EXOSC7: variants seen among roughly 807,000 people sequenced by gnomAD.
EXOSC7 encodes the protein exosome complex component RRP42.
A neutral mutation model predicts 34.3 loss-of-function variants in EXOSC7; 25 were observed. The observed-to-expected ratio is 0.73, with a 90% CI of 0.53 to 1.02. The LOEUF (loss-of-function observed/expected upper bound fraction) is 1.02. Among genes scored for constraint, EXOSC7 ranks in the 50% least tolerant of loss-of-function variants. The pLI is 0.00. For synonymous variants in EXOSC7, 130 were observed against 143.0 expected, an observed-to-expected ratio of 0.91 and a Z score of 0.65; for missense variants, 370 against 368.5, an observed-to-expected ratio of 1.00 and a Z score of -0.03.
At chr3:44,994,891 G>T (rs925621171) in intron 3 of EXOSC7, among the ~76,000 whole-genome samples, 1 of 150,746 alleles carries the variant, frequency 6.6e-6, no homozygotes, top group Admixed American at 6.6e-5. Flanking sequence ...GTGTGTGTGT[G>T]TGTGTGTGTG....
chr3:45,007,351 C>G lies in EXOSC7; in HGVS notation c.616-69C>G, dbSNP rs1422834773. On this transcript the variant is annotated intron_variant, in intron 6 of 7. Coordinates refer to ENST00000265564, the MANE Select transcript of EXOSC7 (RefSeq NM_015004.4). ...TTGCCTGGTGTAGAGATTCCCACCA[C>G]GAGGCCATCAGGGGTGGGACTCTGG... The G allele has an allele frequency of 3.2e-6, 5 of 1,554,366 alleles. No individual in the cohort carries two copies. In the East Asian group the frequency reaches 9.0e-5, roughly 28 times the overall value.
At chr3:45,012,253 C>T (rs1401996856), downstream of EXOSC7, 7 of 152,140 alleles carry the variant, frequency 4.6e-5, no homozygotes, top group African/African-American at 7.2e-5. Flanking sequence ...GCGTTTCAAC[C>T]GTGGCATTTG....
Position 44,976,336 on chromosome 3 carries a change from T to TAGC in EXOSC7, c.57+3_57+5dup, listed in dbSNP as rs1376484882. On this transcript the variant is annotated splice_region_variant and intron_variant, in intron 1 of 7. Transcript: ENST00000265564. Reference sequence around the variant, plus strand: ...GTGTACATCGTGCATGGCGTCCAGGTAGCTACAGCAGCGGCGTTGGGTCGG... The same window carrying TAGC: ...GTGTACATCGTGCATGGCGTCCAGGTAGCAGCTACAGCAGCGGCGTTGGGTCGG... The TAGC allele has an allele frequency of 6.4e-7, 1 of 1,570,436 alleles. No individual in the cohort carries two copies. The highest frequency in any genetic ancestry group is 1.2e-5 in the South Asian group (1 of 85,958).
At position 44,989,188 on chromosome 3, in the gene EXOSC7, G is replaced by T; in HGVS notation, c.106G>T (p.Glu36Ter). The T allele has an allele frequency of 1.2e-6, 2 of 1,614,148 alleles. No individual in the cohort carries two copies. The highest frequency in any genetic ancestry group is 1.7e-6 in the Non-Finnish European group (2 of 1,180,008). ...GRGCEDYRCV[E>*]VETDVVSNTS... ...TGGCTGTGAGGACTACCGATGTGTC[G>T]AAGTGGAAACTGATGTGGTGTCCAA... The change falls in exon 2 of 8, where the codon GAA becomes TAA. Residue 36 changes from glutamate (E) to a stop codon, truncating the protein, a stop_gained. Transcript: ENST00000265564. LOFTEE classifies it high-confidence loss of function.
At chr3:44,982,835 G>A (rs1706307462) in intron 1 of EXOSC7, among the ~76,000 whole-genome samples, 2 of 152,216 alleles carry the variant, frequency 1.3e-5, no homozygotes, top group African/African-American at 4.8e-5. Context: ...TATCCTTTCA[G>A]AGGAATGCCT....
intron 1 of EXOSC7, among the ~76,000 whole-genome samples, chr3:44,977,787 C>T (rs1223972744): frequency 2.6e-5 from 4 of 152,146 alleles, no homozygotes; most frequent in Admixed American, 1.3e-4. Flanking sequence ...TCTTTGTTAC[C>T]GGAGCTTACC....
Position 44,989,239 on chromosome 3 carries a change from C to G in EXOSC7, c.157C>G (p.Leu53Val), listed in dbSNP as rs1298531256. The G allele has an allele frequency of 6.2e-7, 1 of 1,608,562 alleles. No homozygotes were observed. The highest frequency in any genetic ancestry group is 1.7e-5 in the Admixed American group (1 of 59,994). Residue 53 changes from leucine (L) to valine (V), a missense_variant and splice_region_variant, in exon 2 of 8, where the codon CTG (leucine) becomes GTG (valine). Transcript: ENST00000265564. ...SNTSGSARVK[L>V]GHTDILVGVK... ...CACTAGTGGGTCCGCCAGGGTCAAG[C>G]TGGTGAGTACTGTGACCATGGTTCA...
intron 3 of EXOSC7, among the ~76,000 whole-genome samples, chr3:44,989,895 G>A (rs569744212): frequency 2.0e-5 from 3 of 152,302 alleles, no homozygotes; most frequent in African/African-American, 7.2e-5. Context: ...ACATTTGCCA[G>A]GCAGCCTAGC....
At position 44,997,222 on chromosome 3, in the gene EXOSC7, G is replaced by A; in HGVS notation, c.390G>A (p.Glu130=). 4 of 1,613,904 alleles carry A rather than the reference G, an allele frequency of 2.5e-6. No individual in the cohort carries two copies. The highest frequency in any genetic ancestry group is 3.4e-6 in the Non-Finnish European group (4 of 1,179,956). ...AGACCCTCTGCATTAGTCCTCGGGAGCACTGCTGGGTTCTCTATGTGGATG... is the reference window on the plus strand; with the variant it reads ...AGACCCTCTGCATTAGTCCTCGGGAACACTGCTGGGTTCTCTATGTGGATG... The part of the protein sequence containing the change: ...DLKTLCISPR[E]HCWVLYVDVL... The change falls in exon 4 of 8, where the codon GAG becomes GAA. Residue 130 remains glutamate (E), a synonymous_variant. Coordinates refer to ENST00000265564, the MANE Select transcript of EXOSC7 (RefSeq NM_015004.4).
At chr3:44,989,747 T>A in intron 3 of EXOSC7, 103 bp downstream of exon 3, 1 of 850,096 alleles carries the variant, frequency 1.2e-6, no homozygotes, top group Non-Finnish European at 1.9e-6. Context: ...TTTATACTTA[T>A]CATTCAGCCA....
chr3:44,982,859 G>T (rs564245968), intron 1 of EXOSC7, among the ~76,000 whole-genome samples: 2 of 152,192 alleles, frequency 1.3e-5, no homozygotes, highest in Non-Finnish European at 2.9e-5. Context: ...TACTCAACAG[G>T]GTTGGAAAGT....
At chr3:44,989,375 A>AG (rs3830558) in intron 2 of EXOSC7, 134 bp downstream of exon 2, 61,579 of 825,228 alleles carry the variant, frequency 0.075, 2,798 homozygotes, top group Middle Eastern at 0.14. Context: ...AAACTCAGGG[A>AG]GGGGGGGTCT....
chr3:44,985,748 C>T (rs538376792), intron 1 of EXOSC7, among the ~76,000 whole-genome samples: 70 of 152,292 alleles, frequency 4.6e-4, no homozygotes, highest in Non-Finnish European at 6.9e-4. Flanking sequence ...CCACTGCTGG[C>T]TCTGGCAGCT....
chr3:44,982,859 G>C (rs564245968), intron 1 of EXOSC7, among the ~76,000 whole-genome samples: 3 of 152,192 alleles, frequency 2.0e-5, no homozygotes, highest in Admixed American at 6.5e-5. Context: ...TACTCAACAG[G>C]GTTGGAAAGT....
chr3:44,995,267 G>T (rs1706691242), intron 3 of EXOSC7, among the ~76,000 whole-genome samples: 1 of 152,310 alleles, frequency 6.6e-6, no homozygotes, highest in South Asian at 2.1e-4. Context: ...GCAGGCGTGA[G>T]CCACCACGCC....
At chr3:44,979,143 A>C (rs1706204202) in intron 1 of EXOSC7, among the ~76,000 whole-genome samples, 1 of 152,208 alleles carries the variant, frequency 6.6e-6, no homozygotes, top group African/African-American at 2.4e-5. Context: ...CCATATGTAT[A>C]GAGGAGCAAA....
chr3:44,979,443 T>C (rs1487376068), intron 1 of EXOSC7, among the ~76,000 whole-genome samples: 2 of 152,250 alleles, frequency 1.3e-5, no homozygotes, highest in African/African-American at 4.8e-5. Flanking sequence ...CATCTTGTTT[T>C]GGTGATAGTT....
At chr3:45,007,304 G>A in intron 6 of EXOSC7, 116 bp from the exon 7 acceptor site, 1 of 1,057,304 alleles carries the variant, frequency 9.5e-7, no homozygotes, top group Middle Eastern at 2.6e-4. Flanking sequence ...AATAAGACCT[G>A]GAATGACCAG....
At chr3:44,999,123 G>A (rs1706805830) in intron 4 of EXOSC7, among the ~76,000 whole-genome samples, 1 of 152,122 alleles carries the variant, frequency 6.6e-6, no homozygotes, top group Admixed American at 6.6e-5. Flanking sequence ...TTTTGATTCA[G>A]TCAGTTAAAG....
Sources: gnomAD v4.1 joint callset for allele counts (sites outside exome capture counted in the v4.1 genomes callset) on GRCh38, gnomAD v4.1.1 for gene constraint, MANE v1.5 for transcripts, NCBI Gene and HGNC (gene_info 2026-07-23, HGNC 2026-07-21) for gene names.